The following OR4B1 variants were observed in gnomAD, a reference collection of about 807,000 sequenced individuals.
OR4B1 encodes olfactory receptor family 4 subfamily B member 1.
For synonymous variants in OR4B1, 196 were observed against 141.2 expected (o/e 1.39, Z -2.75); for missense variants, 520 against 370.7 (o/e 1.40, Z -3.31).
In OR4B1 at chr11:48,216,951, A is replaced by G. The variant is rs1303793969; in HGVS notation, c.142A>G (p.Ser48Gly). The G allele has an allele frequency of 6.2e-7, 1 of 1,614,176 alleles. No homozygotes were observed. The highest frequency in any genetic ancestry group is 2.2e-5 in the East Asian group (1 of 44,888). The change falls in exon 1 of 1, where the codon AGT becomes GGT. Residue 48 changes from serine to glycine, a missense_variant. Physicochemically the swap from Ser to Gly is moderately conservative, Grantham distance 56. Coordinates refer to ENST00000309562, the MANE Select transcript of OR4B1 (RefSeq NM_001005470.1). ...CAATGGCCTCATCGTTCTGACGGTC[A>G]GTATCAGCAAGAGTCTGGATTCTCC... Reference protein sequence around the residue: ...VGNGLIVLTVSISKSLDSPMY... With the variant: ...VGNGLIVLTVGISKSLDSPMY...
Position 48,217,268 on chromosome 11 carries a change from C to T in OR4B1, c.459C>T (p.His153=), listed in dbSNP as rs1275077963. Residue 153 remains histidine (H), a synonymous_variant, in exon 1 of 1, where the codon CAC becomes CAT. Coordinates refer to ENST00000309562, the MANE Select transcript of OR4B1 (RefSeq NM_001005470.1). ...GTTCCTGGCTGGGGGGCTTTTGTCACTCCATAATTCAGATTCTCGTTATCA... is the reference window on the plus strand; with the variant it reads ...GTTCCTGGCTGGGGGGCTTTTGTCATTCCATAATTCAGATTCTCGTTATCA... The part of the protein sequence containing the change: ...VAGSWLGGFC[H]SIIQILVIIQ... The T allele has an allele frequency of 6.2e-6, 10 of 1,614,126 alleles. No individual in the cohort carries two copies. The highest frequency in any genetic ancestry group is 8.5e-6 in the Non-Finnish European group (10 of 1,180,038).
In OR4B1 at chr11:48,216,982, ACTT is replaced by A. The variant is rs1179908506; in HGVS notation, c.178_180del (p.Phe60del). ...AGCAAGAGTCTGGATTCTCCCATGT[ACTT>A]CTTCCTTAGCTGCCTGTCCTTGGTG... On this transcript the variant is annotated inframe_deletion, in exon 1 of 1. Transcript: ENST00000309562. 3 of 1,613,940 alleles carry A rather than the reference ACTT, an allele frequency of 1.9e-6. No homozygotes were observed. The highest frequency in any genetic ancestry group is 2.7e-5 in the African/African-American group (2 of 74,886).
chr11:48,217,219 A>C lies in OR4B1; in HGVS notation c.410A>C (p.Gln137Pro). ...PLHYMNIISR[Q>P]LCHLLVAGSW... Reference sequence around the variant, plus strand: ...CATTATATGAACATTATCAGTCGTCAACTGTGTCACCTTCTGGTGGCTGGT... The same window carrying C: ...CATTATATGAACATTATCAGTCGTCCACTGTGTCACCTTCTGGTGGCTGGT... The change falls in exon 1 of 1, where the codon CAA becomes CCA. Residue 137 changes from glutamine to proline, a missense_variant. By Grantham distance (76) the Gln-to-Pro change is moderately conservative (BLOSUM62 -1). Coordinates refer to ENST00000309562, the MANE Select transcript of OR4B1 (RefSeq NM_001005470.1). 3.1e-6 allele frequency: 5 copies of C among 1,614,104 alleles called. No individual in the cohort carries two copies. The highest frequency in any genetic ancestry group is 4.2e-6 in the Non-Finnish European group (5 of 1,180,016).
chr11:48,217,402 T>C lies in OR4B1; in HGVS notation c.593T>C (p.Leu198Ser), dbSNP rs1188230409. 12 of 1,614,068 alleles carry C rather than the reference T, an allele frequency of 7.4e-6. No individual in the cohort carries two copies. Among genetic ancestry groups the C allele is most frequent in the African/African-American group, 2.7e-5 (2 of 74,924 alleles). The change falls in exon 1 of 1, where the codon TTG becomes TCG. Residue 198 changes from leucine (L) to serine (S), a missense_variant. Leu to Ser is a moderately radical substitution (Grantham distance 145, BLOSUM62 -2). Transcript: ENST00000309562. Reference sequence around the variant, plus strand: ...ACCTTCATGGAGGGGGTTATTGTGTTGGCCAACAGTGGATTATTCTCTGTC... The same window carrying C: ...ACCTTCATGGAGGGGGTTATTGTGTCGGCCAACAGTGGATTATTCTCTGTC... ...TDTFMEGVIV[L>S]ANSGLFSVFS...
At position 48,217,571 on chromosome 11, in the gene OR4B1, C is replaced by T; in HGVS notation, c.762C>T (p.Phe254=). 1 of 1,614,146 alleles carries T rather than the reference C, an allele frequency of 6.2e-7. No individual in the cohort carries two copies. Among genetic ancestry groups the T allele is most frequent in the Non-Finnish European group, 8.5e-7 (1 of 1,180,036 alleles). Residue 254 remains phenylalanine, a synonymous_variant, in exon 1 of 1, where the codon TTC becomes TTT. Transcript: ENST00000309562. ...TCTTGTTTTTTGGACCTGCTATCTT[C>T]CTCTACATGCGACCTTCTTCCACTT... The part of the protein sequence containing the change: ...VVILFFGPAI[F]LYMRPSSTFT...
Position 48,217,297 on chromosome 11 carries a change from A to C in OR4B1, c.488A>C (p.Gln163Pro). 1 of 1,614,068 alleles carries C rather than the reference A, an allele frequency of 6.2e-7. No homozygotes were observed. Among genetic ancestry groups the C allele is most frequent in the Non-Finnish European group, 8.5e-7 (1 of 1,180,006 alleles). Residue 163 changes from glutamine (Q) to proline (P), a missense_variant, in exon 1 of 1, where the codon CAA becomes CCA. Coordinates refer to ENST00000309562, the MANE Select transcript of OR4B1 (RefSeq NM_001005470.1). ...HSIIQILVII[Q>P]LPFCGPNVID... ...ATAATTCAGATTCTCGTTATCATCC[A>C]ATTGCCCTTCTGTGGTCCCAATGTG...
chr11:48,217,107 T>A lies in OR4B1; in HGVS notation c.298T>A (p.Phe100Ile). ...ISLEGCLTQI[F>I]FFHFFGVAEI... ...TCTGGAAGGCTGTCTGACTCAGATATTCTTCTTCCACTTCTTTGGGGTTGC... is the reference window on the plus strand; with the variant it reads ...TCTGGAAGGCTGTCTGACTCAGATAATCTTCTTCCACTTCTTTGGGGTTGC... The change falls in exon 1 of 1, where the codon TTC (phenylalanine) becomes ATC (isoleucine). Residue 100 changes from phenylalanine to isoleucine, a missense_variant. Coordinates refer to ENST00000309562, the MANE Select transcript of OR4B1 (RefSeq NM_001005470.1). The A allele has an allele frequency of 6.2e-7, 1 of 1,614,162 alleles. No individual in the cohort carries two copies. Among genetic ancestry groups the A allele is most frequent in the South Asian group, 1.1e-5 (1 of 91,082 alleles).
Position 48,217,631 on chromosome 11 carries a change from G to A in OR4B1, c.822G>A (p.Thr274=), listed in dbSNP as rs775405091. 4 of 1,611,810 alleles carry A rather than the reference G, an allele frequency of 2.5e-6. No homozygotes were observed. The highest frequency in any genetic ancestry group is 2.5e-6 in the Non-Finnish European group (3 of 1,179,980). The change falls in exon 1 of 1, where the codon ACG becomes ACA. Residue 274 remains threonine (T), a synonymous_variant. Transcript: ENST00000309562. ...TEDKLVAVFY[T]VITPMLNPII... is the part of the protein sequence containing the mutation. ...ATAAACTTGTGGCTGTATTCTACAC[G>A]GTCATCACCCCCATGCTGAACCCCA...
At position 48,217,563 on chromosome 11, in the gene OR4B1, G is replaced by T. The variant is rs781137177; in HGVS notation, c.754G>T (p.Ala252Ser). The T allele has an allele frequency of 1.9e-6, 3 of 1,614,120 alleles. No homozygotes were observed. In the South Asian group the frequency reaches 3.3e-5, roughly 18 times the overall value. ...ITVVILFFGP[A>S]IFLYMRPSST... ...AGTGGTCATCTTGTTTTTTGGACCTGCTATCTTCCTCTACATGCGACCTTC... is the reference window on the plus strand; with the variant it reads ...AGTGGTCATCTTGTTTTTTGGACCTTCTATCTTCCTCTACATGCGACCTTC... The change falls in exon 1 of 1, where the codon GCT becomes TCT. Residue 252 changes from alanine (A) to serine (S), a missense_variant. By Grantham distance (99) the Ala-to-Ser change is moderately conservative. Transcript: ENST00000309562.
rs10769329 is a variant in OR4B1, at chr11:48,216,869, T to G, written c.60T>G (p.Ala20=). 1 allele frequency: 1,608,322 copies of G among 1,614,014 alleles called. 801,506 individuals carry two copies. The highest frequency in any genetic ancestry group is 1 in the East Asian group (44,868 of 44,868). The change falls in exon 1 of 1, where the codon GCT becomes GCG. Residue 20 remains alanine, a synonymous_variant. Coordinates refer to ENST00000309562, the MANE Select transcript of OR4B1 (RefSeq NM_001005470.1). ...TCACTGGCCTTTTCCAGGATCCAGC[T>G]GTGCAGAGTGTATGCTTTGTGGTGT... ...LIFTGLFQDP[A]VQSVCFVVFL... is the part of the protein sequence containing the mutation.
chr11:48,217,004 C>G lies in OR4B1; in HGVS notation c.195C>G (p.Ser65=), dbSNP rs759969442. The G allele has an allele frequency of 6.2e-7, 1 of 1,613,790 alleles. No homozygotes were observed. Among genetic ancestry groups the G allele is most frequent in the Admixed American group, 1.7e-5 (1 of 59,988 alleles). The stretch of plus-strand genomic sequence containing the variant: ...TGTACTTCTTCCTTAGCTGCCTGTC[C>G]TTGGTGGAGATCAGTTATTCCTCCA... ...SPMYFFLSCL[S]LVEISYSSTI... Residue 65 remains serine (S), a synonymous_variant, in exon 1 of 1, where the codon TCC becomes TCG. Transcript: ENST00000309562.
Position 48,217,169 on chromosome 11 carries a change from C to T in OR4B1, c.360C>T (p.Cys120=), listed in dbSNP as rs1284802202. 1.2e-6 allele frequency: 2 copies of T among 1,614,012 alleles called. No homozygotes were observed. Among genetic ancestry groups the T allele is most frequent in the East Asian group, 2.2e-5 (1 of 44,890 alleles). ...TGATTGTGGTGATGGCCTATGATTGCTACGTGGCCATTTGCAAGCCTCTTC... is the reference window on the plus strand; with the variant it reads ...TGATTGTGGTGATGGCCTATGATTGTTACGTGGCCATTTGCAAGCCTCTTC... ...ILLIVVMAYD[C]YVAICKPLHY... The change falls in exon 1 of 1, where the codon TGC becomes TGT. Residue 120 remains cysteine, a synonymous_variant. Coordinates refer to ENST00000309562, the MANE Select transcript of OR4B1 (RefSeq NM_001005470.1).
Position 48,217,563 on chromosome 11 carries a change from G to A in OR4B1, c.754G>A (p.Ala252Thr). The A allele has an allele frequency of 6.2e-7, 1 of 1,614,120 alleles. No individual in the cohort carries two copies. Among genetic ancestry groups the A allele is most frequent in the South Asian group, 1.1e-5 (1 of 91,080 alleles). The change falls in exon 1 of 1, where the codon GCT becomes ACT. Residue 252 changes from alanine to threonine, a missense_variant. Physicochemically the swap from Ala to Thr is moderately conservative, Grantham distance 58 (BLOSUM62 0). Transcript: ENST00000309562. The part of the protein sequence containing the change: ...ITVVILFFGP[A>T]IFLYMRPSST... ...AGTGGTCATCTTGTTTTTTGGACCTGCTATCTTCCTCTACATGCGACCTTC... is the reference window on the plus strand; with the variant it reads ...AGTGGTCATCTTGTTTTTTGGACCTACTATCTTCCTCTACATGCGACCTTC...
chr11:48,217,087 A>G lies in OR4B1; in HGVS notation c.278A>G (p.Glu93Gly). The G allele has an allele frequency of 6.2e-7, 1 of 1,614,108 alleles. No homozygotes were observed. The highest frequency in any genetic ancestry group is 8.5e-7 in the Non-Finnish European group (1 of 1,180,002). ...LLAKIKTISL[E>G]GCLTQIFFFH... Reference sequence around the variant, plus strand: ...GCCAAGATTAAAACCATCTCTCTGGAAGGCTGTCTGACTCAGATATTCTTC... The same window carrying G: ...GCCAAGATTAAAACCATCTCTCTGGGAGGCTGTCTGACTCAGATATTCTTC... Residue 93 changes from glutamate to glycine, a missense_variant, in exon 1 of 1, where the codon GAA (glutamate) becomes GGA (glycine). Coordinates refer to ENST00000309562, the MANE Select transcript of OR4B1 (RefSeq NM_001005470.1).
At position 48,217,574 on chromosome 11, in the gene OR4B1, C is replaced by T. The variant is rs1301513075; in HGVS notation, c.765C>T (p.Leu255=). 11 of 1,614,026 alleles carry T rather than the reference C, an allele frequency of 6.8e-6. No individual in the cohort carries two copies. Among genetic ancestry groups the T allele is most frequent in the Non-Finnish European group, 9.3e-6 (11 of 1,180,046 alleles). ...VILFFGPAIF[L]YMRPSSTFTE... ...TGTTTTTTGGACCTGCTATCTTCCT[C>T]TACATGCGACCTTCTTCCACTTTCA... is the stretch of plus-strand genomic sequence containing the variant. The change falls in exon 1 of 1, where the codon CTC becomes CTT. Residue 255 remains leucine, a synonymous_variant. Transcript: ENST00000309562.
rs770136242 is a variant in OR4B1, at chr11:48,217,047, A to T, written c.238A>T (p.Ile80Phe). ...TTCCTCCACTATCGCCCCTAAATTCATCATAGACTTACTTGCCAAGATTAA... is the reference window on the plus strand; with the variant it reads ...TTCCTCCACTATCGCCCCTAAATTCTTCATAGACTTACTTGCCAAGATTAA... ...SYSSTIAPKF[I>F]IDLLAKIKTI... Residue 80 changes from isoleucine (I) to phenylalanine (F), a missense_variant, in exon 1 of 1, where the codon ATC becomes TTC. Ile to Phe is a conservative substitution (Grantham distance 21). Coordinates refer to ENST00000309562, the MANE Select transcript of OR4B1 (RefSeq NM_001005470.1). 26 of 1,613,992 alleles carry T rather than the reference A, an allele frequency of 1.6e-5. No homozygotes were observed. In the South Asian group the frequency reaches 2.9e-4, roughly 18 times the overall value.
At position 48,217,323 on chromosome 11, in the gene OR4B1, A is replaced by T; in HGVS notation, c.514A>T (p.Ile172Phe). ...IQLPFCGPNV[I>F]DHYFCDLQPL... ...ATTGCCCTTCTGTGGTCCCAATGTG[A>T]TTGACCACTATTTCTGTGACCTCCA... Residue 172 changes from isoleucine to phenylalanine, a missense_variant, in exon 1 of 1, where the codon ATT becomes TTT. Transcript: ENST00000309562. 4.3e-6 allele frequency: 7 copies of T among 1,614,048 alleles called. No individual in the cohort carries two copies. The highest frequency in any genetic ancestry group is 5.9e-6 in the Non-Finnish European group (7 of 1,180,004).
rs150753901 is a variant in OR4B1, at chr11:48,217,460, T to G, written c.651T>G (p.Ile217Met). Residue 217 changes from isoleucine (I) to methionine (M), a missense_variant, in exon 1 of 1, where the codon ATT becomes ATG. Transcript: ENST00000309562. Reference sequence around the variant, plus strand: ...TCCTCATCTTGGTGTCCTCTTATATTGTCATTCTGGTCAACTTGAGGAACC... The same window carrying G: ...TCCTCATCTTGGTGTCCTCTTATATGGTCATTCTGGTCAACTTGAGGAACC... ...FSFLILVSSY[I>M]VILVNLRNHS... 6.2e-6 allele frequency: 10 copies of G among 1,614,054 alleles called. No homozygotes were observed. The highest frequency in any genetic ancestry group is 8.5e-6 in the Non-Finnish European group (10 of 1,180,044).
chr11:48,217,463 C>T lies in OR4B1; in HGVS notation c.654C>T (p.Val218=). 6.2e-7 allele frequency: 1 copy of T among 1,614,104 alleles called. No individual in the cohort carries two copies. The highest frequency in any genetic ancestry group is 8.5e-7 in the Non-Finnish European group (1 of 1,180,018). ...SFLILVSSYI[V]ILVNLRNHSA... is the part of the protein sequence containing the mutation. ...TCATCTTGGTGTCCTCTTATATTGT[C>T]ATTCTGGTCAACTTGAGGAACCATT... The change falls in exon 1 of 1, where the codon GTC becomes GTT. Residue 218 remains valine, a synonymous_variant. Coordinates refer to ENST00000309562, the MANE Select transcript of OR4B1 (RefSeq NM_001005470.1).
Sources: gnomAD v4.1 joint callset for allele counts on GRCh38, gnomAD v4.1.1 for gene constraint, MANE v1.5 for transcripts, NCBI Gene and HGNC (gene_info 2026-07-23, HGNC 2026-07-21) for gene names.